ABCC9: variants seen among roughly 807,000 people sequenced by gnomAD.
ABCC9 encodes ATP binding cassette subfamily C member 9, also known as ATP-binding cassette sub-family C member 9.
ABCC9 carries 95 observed loss-of-function variants against 188.3 expected under a neutral mutation model. The ratio of observed to expected loss-of-function variants is 0.50; its 90% CI spans 0.43 to 0.60. The LOEUF (loss-of-function observed/expected upper bound fraction) is 0.60, where lower values mean the gene tolerates loss of function less well. Ranked by LOEUF, ABCC9 falls within the 20% of genes least tolerant of loss-of-function variation. The pLI is 0.00. For missense variants in ABCC9, 1,102 were observed against 1,876.3 expected, an observed-to-expected ratio of 0.59 and a Z score of 7.62; for synonymous variants, 659 against 652.7, an observed-to-expected ratio of 1.01 and a Z score of -0.15.
rs1374538346 is a variant in ABCC9, at chr12:21,799,728, A to G, written c.*1316T>C. ...TTCTCTTAATTCATCAATTTTATAT[A>G]TCTTCACAATCTTACAATGCATGTG... On this transcript the variant is annotated 3_prime_UTR_variant, in exon 40 of 40. Coordinates refer to ENST00000261200, the MANE Select transcript of ABCC9 (RefSeq NM_020297.4). 6.6e-6 allele frequency: 1 copy of G among 152,224 alleles called. No homozygotes were observed. The highest frequency in any genetic ancestry group is 1.5e-5 in the Non-Finnish European group (1 of 68,032). The allele number at this position is 152,224 out of a possible 1,614,324, so 9.4% of individuals were successfully genotyped here.
At chr12:21,933,383 T>C (rs1949362138) in intron 4 of ABCC9, among the ~76,000 whole-genome samples, 1 of 152,036 alleles carries the variant, frequency 6.6e-6, no homozygotes, top group Non-Finnish European at 1.5e-5. Context: ...AAAATAAAAG[T>C]TTAAAAAATT....
intron 21 of ABCC9, among the ~76,000 whole-genome samples, 178 bp downstream of exon 21, chr12:21,860,793 A>G (rs1945465533): frequency 6.6e-6 from 1 of 152,200 alleles, no homozygotes; most frequent in Non-Finnish European, 1.5e-5. Flanking sequence ...ATAAATATTA[A>G]TACGTAAGAA....
At chr12:21,836,183 C>T (rs888166115) in intron 30 of ABCC9, among the ~76,000 whole-genome samples, 7 of 152,156 alleles carry the variant, frequency 4.6e-5, no homozygotes, top group African/African-American at 1.7e-4. Context: ...GTTAACCATC[C>T]CCAGTTCATA....
chr12:21,811,004 C>A (rs1158686345), intron 36 of ABCC9, among the ~76,000 whole-genome samples: 1 of 152,064 alleles, frequency 6.6e-6, no homozygotes, highest in African/African-American at 2.4e-5. Flanking sequence ...ATGCTGATAT[C>A]ATTTTGCTCT....
At chr12:21,835,441 C>T (rs143878583) in intron 30 of ABCC9, among the ~76,000 whole-genome samples, 18 of 152,240 alleles carry the variant, frequency 1.2e-4, no homozygotes, top group Middle Eastern at 3.4e-3. Flanking sequence ...AGGACATGGA[C>T]TCTACATTCT....
At position 21,797,742 on chromosome 12, in the gene ABCC9, G is replaced by C. The variant is rs573711742; in HGVS notation, c.*3302C>G. ...AGACTTTTAAATGGATCATGAGTAA[G>C]AGTACAAAAATAGATGGTGCATAAT... On this transcript the variant is annotated 3_prime_UTR_variant, in exon 40 of 40. Coordinates refer to ENST00000261200, the MANE Select transcript of ABCC9 (RefSeq NM_020297.4). 11 of 152,240 alleles carry C rather than the reference G, an allele frequency of 7.2e-5. No individual in the cohort carries two copies. The East Asian group carries it at 1.9e-3, about 27-fold the overall frequency. 9.4% of individuals were successfully genotyped at this position (152,240 alleles called of 1,614,324 possible).
intron 30 of ABCC9, among the ~76,000 whole-genome samples, chr12:21,833,641 A>G (rs1943900844): frequency 6.6e-6 from 1 of 152,070 alleles, no homozygotes; most frequent in African/African-American, 2.4e-5. Context: ...TCCTTCAAGG[A>G]GAAAACAGAG....
chr12:21,874,219 A>G (rs1946223436), intron 17 of ABCC9, among the ~76,000 whole-genome samples: 2 of 152,228 alleles, frequency 1.3e-5, no homozygotes, highest in Admixed American at 6.5e-5. Flanking sequence ...TTCTTCAAAT[A>G]AGAAGTACAA....
rs375048009 is a variant in ABCC9, at chr12:21,878,582, A to T, written c.2020-2856T>A. On this transcript the variant is annotated intron_variant, in intron 16 of 39. Coordinates refer to ENST00000261200, the MANE Select transcript of ABCC9 (RefSeq NM_020297.4). ...CTATGTGTGGCACATACAAAGACAGAACGGTGGACTAGGAAACATACTCAC... is the reference window on the plus strand; with the variant it reads ...CTATGTGTGGCACATACAAAGACAGTACGGTGGACTAGGAAACATACTCAC... 5.9e-5 allele frequency among the ~76,000 whole-genome samples: 9 copies of T among 152,202 alleles called. No homozygotes were observed. In the East Asian group the frequency reaches 7.7e-4, roughly 13 times the overall value.
chr12:21,908,256 G>T (rs533542636), intron 10 of ABCC9, 45 bp from the exon 11 acceptor site: 1 of 1,603,786 alleles, frequency 6.2e-7, no homozygotes, highest in East Asian at 2.2e-5. Flanking sequence ...ATGGGTTGTG[G>T]GAGCCATTGC....
intron 20 of ABCC9, among the ~76,000 whole-genome samples, chr12:21,862,080 T>C (rs902089543): frequency 3.9e-5 from 6 of 152,160 alleles, no homozygotes; most frequent in African/African-American, 1.4e-4. Flanking sequence ...CCTGTTGATA[T>C]CTGTCCATTG....
At chr12:21,844,354 T>C in intron 28 of ABCC9, 129 bp downstream of exon 28, 1 of 772,642 alleles carries the variant, frequency 1.3e-6, no homozygotes, top group South Asian at 1.6e-5. Flanking sequence ...TTGATACAAA[T>C]ACAAATGGGC....
At chr12:21,805,974 C>T in intron 39 of ABCC9, 24 bp downstream of exon 39, 3 of 1,612,414 alleles carry the variant, frequency 1.9e-6, no homozygotes, top group Non-Finnish European at 1.7e-6. Flanking sequence ...AAGAGGTATA[C>T]CAACTCCGTC....
intron 12 of ABCC9, among the ~76,000 whole-genome samples, chr12:21,903,557 C>A (rs371880528): frequency 3.3e-5 from 5 of 152,136 alleles, no homozygotes; most frequent in East Asian, 1.9e-4. Context: ...AAATCTCCTT[C>A]AGCTGATAAG....
chr12:21,866,860 G>A (rs931500571), intron 18 of ABCC9, among the ~76,000 whole-genome samples: 7 of 152,106 alleles, frequency 4.6e-5, no homozygotes, highest in Non-Finnish European at 1.0e-4. Flanking sequence ...GGTGGACTAG[G>A]TCGTTAAAAA....
intron 31 of ABCC9, among the ~76,000 whole-genome samples, chr12:21,819,064 A>G (rs1942865373): frequency 1.3e-5 from 2 of 152,162 alleles, no homozygotes; most frequent in African/African-American, 4.8e-5. Flanking sequence ...CAATTCTTTA[A>G]TAACAGCCAT....
At position 21,821,351 on chromosome 12, in the gene ABCC9, C is replaced by A. The variant is rs959393390; in HGVS notation, c.3670-3100G>T. On this transcript the variant is annotated intron_variant, in intron 31 of 39. Coordinates refer to ENST00000261200, the MANE Select transcript of ABCC9 (RefSeq NM_020297.4). ...ATGTTTAAGTGTTATGAGTTATTTC[C>A]TTTTCTAAAGTGAAAAGTACTTTTA... Among the ~76,000 whole-genome samples the A allele has an allele frequency of 2.0e-5, 3 of 152,046 alleles. No individual in the cohort carries two copies. The South Asian group carries it at 6.2e-4, about 32-fold the overall frequency.
At position 21,817,276 on chromosome 12, in the gene ABCC9, T is replaced by G; in HGVS notation, c.3803A>C (p.Asn1268Thr). 6.2e-7 allele frequency: 1 copy of G among 1,613,862 alleles called. No individual in the cohort carries two copies. Among genetic ancestry groups the G allele is most frequent in the Non-Finnish European group, 8.5e-7 (1 of 1,179,830 alleles). The change falls in exon 33 of 40, where the codon AAC becomes ACC. Residue 1268 changes from asparagine (N) to threonine (T), a missense_variant. Physicochemically the swap from Asn to Thr is moderately conservative, Grantham distance 65. Around this residue, in one of 12 missense-constraint regions of ABCC9, gnomAD observed 143 missense variants for 225.6 expected, o/e 0.63. Transcript: ENST00000261200. ...ITNYLNWVVRNLADLEVQMGA... is the reference protein window; with the variant it reads ...ITNYLNWVVRTLADLEVQMGA... ...CATCTGGACCTCCAGGTCAGCCAAG[T>G]TCCTCACAACCCAATTCAAATAATT... is the stretch of plus-strand genomic sequence containing the variant.
chr12:21,837,733 G>T (rs1333396675), intron 30 of ABCC9, among the ~76,000 whole-genome samples: 1 of 151,814 alleles, frequency 6.6e-6, no homozygotes, highest in East Asian at 1.9e-4. Flanking sequence ...TTAATACTTC[G>T]CAGGGATAAT....
Sources: gnomAD v4.1 joint callset for allele counts (sites outside exome capture counted in the v4.1 genomes callset) on GRCh38, gnomAD v4.1.1 for gene constraint, gnomAD v4.1.1 regional missense constraint, MANE v1.5 for transcripts, NCBI Gene and HGNC (gene_info 2026-07-23, HGNC 2026-07-21) for gene names.